TMC1: variants seen among roughly 807,000 people sequenced by gnomAD.
The protein encoded by TMC1 is transmembrane channel-like protein 1.
Under a neutral mutation model 105.8 loss-of-function variants are expected in TMC1, and 84 were observed. That is an observed-to-expected ratio of 0.79 (90% CI 0.67 to 0.95). The LOEUF (loss-of-function observed/expected upper bound fraction) is 0.95. Ranked by LOEUF, TMC1 falls within the 40% of genes least tolerant of loss-of-function variation. The pLI, the probability that TMC1 is intolerant of heterozygous loss-of-function variation, is 0.00. For missense variants in TMC1, 817 were observed against 914.1 expected (o/e 0.89, Z 1.37); for synonymous variants, 315 against 311.5 (o/e 1.01, Z -0.12).
At chr9:72,781,144 A>G (rs1588080276) in intron 13 of TMC1, among the ~76,000 whole-genome samples, 1 of 152,372 alleles carries the variant, frequency 6.6e-6, no homozygotes, top group South Asian at 2.1e-4. Flanking sequence ...CAATAAAAAT[A>G]GAAATCAATA....
At chr9:72,550,870 A>T (rs566518373) in intron 1 of TMC1, among the ~76,000 whole-genome samples, 1 of 152,248 alleles carries the variant, frequency 6.6e-6, no homozygotes, top group East Asian at 1.9e-4. Context: ...ATTTAGAATC[A>T]TGAGTTAGAG....
At chr9:72,625,941 A>G (rs1825339746) in intron 3 of TMC1, among the ~76,000 whole-genome samples, 1 of 152,188 alleles carries the variant, frequency 6.6e-6, no homozygotes, top group Non-Finnish European at 1.5e-5. Flanking sequence ...TTAGCTGTGA[A>G]TGTCAGATCA....
chr9:72,570,190 C>T (rs537960827), intron 1 of TMC1, among the ~76,000 whole-genome samples: 2 of 151,648 alleles, frequency 1.3e-5, no homozygotes, highest in Non-Finnish European at 2.9e-5. Context: ...TTTTCTTTCC[C>T]TCTGCCCCAC....
rs186882117 is a variant in TMC1, at chr9:72,781,927, C to A, written c.885-6412C>A. On this transcript the variant is annotated intron_variant, in intron 13 of 23. Transcript: ENST00000297784. Reference sequence around the variant, plus strand: ...AATCCTACTGAAACTATTTCAAAAACTTGAGGAGGAGGGATGCCTCTTTAA... The same window carrying A: ...AATCCTACTGAAACTATTTCAAAAAATTGAGGAGGAGGGATGCCTCTTTAA... Among the ~76,000 whole-genome samples, 756 of 152,160 alleles carry A rather than the reference C, an allele frequency of 5.0e-3. 8 individuals are homozygous for A. The highest frequency in any genetic ancestry group is 0.017 in the African/African-American group (723 of 41,540).
At chr9:72,747,418 G>A (rs905736768) in intron 10 of TMC1, among the ~76,000 whole-genome samples, 5 of 152,154 alleles carry the variant, frequency 3.3e-5, no homozygotes, top group African/African-American at 1.2e-4. Flanking sequence ...AGGAAATGAT[G>A]TGTTATGACA....
At chr9:72,665,887 C>A (rs1035058805) in intron 5 of TMC1, among the ~76,000 whole-genome samples, 1 of 152,158 alleles carries the variant, frequency 6.6e-6, no homozygotes, top group East Asian at 1.9e-4. Flanking sequence ...AGCAAGTGAA[C>A]TTTGCTTTCT....
At chr9:72,638,533 C>T (rs1248384458) in intron 4 of TMC1, among the ~76,000 whole-genome samples, 1 of 152,174 alleles carries the variant, frequency 6.6e-6, no homozygotes, top group Non-Finnish European at 1.5e-5. Flanking sequence ...CTTATTTTGA[C>T]CACACCTCTT....
chr9:72,708,820 C>T (rs1161026449), intron 8 of TMC1, among the ~76,000 whole-genome samples: 2 of 152,026 alleles, frequency 1.3e-5, no homozygotes, highest in East Asian at 1.9e-4. Context: ...TGGGCATCCT[C>T]GTCTTGTTCC....
At chr9:72,815,397 A>G (rs1201446020) in intron 18 of TMC1, among the ~76,000 whole-genome samples, 5 of 152,040 alleles carry the variant, frequency 3.3e-5, no homozygotes, top group African/African-American at 1.2e-4. Context: ...AGCTTTTTTT[A>G]TATTTCTTTT....
chr9:72,602,757 T>C (rs1824839959), intron 2 of TMC1, among the ~76,000 whole-genome samples: 1 of 152,230 alleles, frequency 6.6e-6, no homozygotes, highest in Admixed American at 6.5e-5. Context: ...TGGTGTGTTT[T>C]GTGACTAATA....
intron 4 of TMC1, among the ~76,000 whole-genome samples, chr9:72,646,510 A>T (rs1004973019): frequency 1.3e-5 from 2 of 152,170 alleles, no homozygotes; most frequent in Non-Finnish European, 2.9e-5. Flanking sequence ...CCATTTACTC[A>T]GAAGACATTG....
intron 1 of TMC1, among the ~76,000 whole-genome samples, chr9:72,562,638 G>C (rs1249466172): frequency 1.3e-5 from 2 of 152,132 alleles, no homozygotes; most frequent in African/African-American, 4.8e-5. Context: ...ATCTCTCAGA[G>C]TTCCCTAGTT....
intron 12 of TMC1, among the ~76,000 whole-genome samples, chr9:72,762,187 C>G (rs1271911690): frequency 6.6e-6 from 1 of 152,160 alleles, no homozygotes; most frequent in Non-Finnish European, 1.5e-5. Flanking sequence ...AGTCTCTAAA[C>G]AAAGTATGTC....
In TMC1 at chr9:72,788,227, T is replaced by C. The variant is rs545287287; in HGVS notation, c.885-112T>C. 3.5e-6 allele frequency: 4 copies of C among 1,145,558 alleles called. No individual in the cohort carries two copies. In the African/African-American group the frequency reaches 6.2e-5, roughly 18 times the overall value. The allele number at this position is 1,145,558 out of a possible 1,614,324, so 71.0% of individuals were successfully genotyped here. On this transcript the variant is annotated intron_variant, in intron 13 of 23. Coordinates refer to ENST00000297784, the MANE Select transcript of TMC1 (RefSeq NM_138691.3). Reference sequence around the variant, plus strand: ...TCATTAGAACAAACTTGTTATAAAATATATGTCTTTTTGCTATTGCTTCTC... The same window carrying C: ...TCATTAGAACAAACTTGTTATAAAACATATGTCTTTTTGCTATTGCTTCTC...
chr9:72,593,712 T>A (rs1303603366), intron 2 of TMC1, among the ~76,000 whole-genome samples: 45 of 149,638 alleles, frequency 3.0e-4, no homozygotes, highest in Middle Eastern at 3.4e-3. Context: ...CATTTCTATT[T>A]TAAAAAAAAA....
intron 4 of TMC1, among the ~76,000 whole-genome samples, chr9:72,633,413 C>T (rs1317813421): frequency 6.6e-6 from 1 of 152,122 alleles, no homozygotes; most frequent in Non-Finnish European, 1.5e-5. Flanking sequence ...ATAGGGACCA[C>T]ATGCTTTGTG....
chr9:72,617,094 C>T (rs1825145209), intron 3 of TMC1, among the ~76,000 whole-genome samples: 1 of 152,096 alleles, frequency 6.6e-6, no homozygotes, highest in African/African-American at 2.4e-5. Flanking sequence ...AAGAGTTATT[C>T]ATTTATTTCC....
intron 7 of TMC1, among the ~76,000 whole-genome samples, chr9:72,699,967 A>AAT: frequency 6.8e-6 from 1 of 147,228 alleles, no homozygotes; most frequent in African/African-American, 2.5e-5. Flanking sequence ...AAAAAAAAAA[A>AAT]AAAAAAAAAA....
chr9:72,687,181 C>T (rs1002038449), intron 5 of TMC1, among the ~76,000 whole-genome samples: 4 of 152,140 alleles, frequency 2.6e-5, no homozygotes, highest in Admixed American at 6.5e-5. Context: ...CCTAATACAT[C>T]GTGCAAATGT....
Sources: gnomAD v4.1 joint callset for allele counts (sites outside exome capture counted in the v4.1 genomes callset) on GRCh38, gnomAD v4.1.1 for gene constraint, MANE v1.5 for transcripts, NCBI Gene and HGNC (gene_info 2026-07-23, HGNC 2026-07-21) for gene names.